The following HERC2 variants were observed in gnomAD, a reference collection of about 807,000 sequenced individuals.
HERC2 encodes the protein HECT and RLD domain containing E3 ubiquitin protein ligase 2.
HERC2 carries 102 observed loss-of-function variants against 537.7 expected under a neutral mutation model. The observed-to-expected ratio is 0.19, with a 90% CI of 0.16 to 0.22. The LOEUF (loss-of-function observed/expected upper bound fraction) is 0.22, where lower values mean the gene tolerates loss of function less well. Ranked by LOEUF, HERC2 falls within the 10% of genes least tolerant of loss-of-function variation. HERC2 has a pLI of 1.00. For missense variants in HERC2, 4,236 were observed against 6,198.2 expected (o/e 0.68, Z 10.63); for synonymous variants, 2,224 against 2,466.2 (o/e 0.90, Z 2.91).
At chr15:28,135,448 G>C (rs947327078) in intron 79 of HERC2, 30 bp downstream of exon 79, 7 of 1,540,176 alleles carry the variant, frequency 4.5e-6, no homozygotes, top group Non-Finnish European at 6.3e-6. Context: ...AAGACAAATA[G>C]AATGTTGAAA....
At chr15:28,214,406 C>T (rs1899636421) in intron 40 of HERC2, 134 bp from the exon 41 acceptor site, 2 of 947,810 alleles carry the variant, frequency 2.1e-6, no homozygotes, top group South Asian at 1.3e-5. Context: ...GACGGCCATG[C>T]ACCTCTGAGT....
At chr15:28,144,604 G>A in intron 72 of HERC2, 69 bp downstream of exon 72, 4 of 1,605,354 alleles carry the variant, frequency 2.5e-6, no homozygotes, top group Non-Finnish European at 3.4e-6. Context: ...ATGTGCACGT[G>A]TCCCTGTTGC....
intron 9 of HERC2, 123 bp from the exon 10 acceptor site, chr15:28,270,991 A>G (rs2140988576): frequency 1.3e-6 from 1 of 742,618 alleles, no homozygotes. Flanking sequence ...TGACAATGTC[A>G]ATGATACAGT....
chr15:28,287,256 G>T (rs1174999225), intron 4 of HERC2, among the ~76,000 whole-genome samples: 1 of 152,138 alleles, frequency 6.6e-6, no homozygotes, highest in Non-Finnish European at 1.5e-5. Context: ...GAAAGGAATA[G>T]GAGCTATTCT....
intron 4 of HERC2, among the ~76,000 whole-genome samples, chr15:28,290,302 C>CA: frequency 6.8e-6 from 1 of 148,090 alleles, no homozygotes; most frequent in East Asian, 2.0e-4. Flanking sequence ...GCAAAACACA[C>CA]TTTTTTTTTT....
intron 26 of HERC2, among the ~76,000 whole-genome samples, chr15:28,236,010 A>G (rs147496332): frequency 2.8e-4 from 43 of 152,126 alleles, no homozygotes; most frequent in East Asian, 1.4e-3. Context: ...TGGTAAAAAC[A>G]CAGTCCTCAA....
rs759246413 is a variant in HERC2 at position 28,191,976 on chromosome 15, C to T, written c.8436G>A (p.Ser2812=). Residue 2812 remains serine (S), a synonymous_variant, in exon 53 of 93, where the codon TCG becomes TCA. Coordinates refer to ENST00000261609, the MANE Select transcript of HERC2 (RefSeq NM_004667.6). ...TAGATGCTACCTTTCCTTGCGACCC[C>T]GATGACTGCCAGCAGGGCTCGCTGC... The part of the protein sequence containing the change: ...IDGSEPCWQS[S]GSQGKHWIRL... 1.8e-5 allele frequency: 29 copies of T among 1,613,482 alleles called. No individual in the cohort carries two copies. Among genetic ancestry groups the T allele is most frequent in the Admixed American group, 3.3e-5 (2 of 60,000 alleles).
intron 55 of HERC2, among the ~76,000 whole-genome samples, chr15:28,189,803 A>C (rs2140253968): frequency 6.6e-6 from 1 of 152,324 alleles, no homozygotes; most frequent in South Asian, 2.1e-4. Context: ...AATTATTACA[A>C]ATTACTATTT....
intron 4 of HERC2, among the ~76,000 whole-genome samples, chr15:28,289,038 G>A (rs545326398): frequency 4.6e-5 from 7 of 151,782 alleles, no homozygotes; most frequent in East Asian, 3.9e-4. Flanking sequence ...GCACTGCCCC[G>A]CAGCTCAGGC....
chr15:28,258,257 G>A (rs2075320973), intron 16 of HERC2, among the ~76,000 whole-genome samples: 1 of 152,196 alleles, frequency 6.6e-6, no homozygotes, highest in Non-Finnish European at 1.5e-5. Flanking sequence ...GATCACCTGA[G>A]GTCAGGATTT....
At chr15:28,179,334 A>G in intron 57 of HERC2, 111 bp from the exon 58 acceptor site, 1 of 816,594 alleles carries the variant, frequency 1.2e-6, no homozygotes, top group Non-Finnish European at 2.0e-6. Flanking sequence ...TGCACTGTGT[A>G]ACATTTCACT....
Position 28,198,694 on chromosome 15 carries a change from C to T in HERC2, c.7792G>A (p.Asp2598Asn), listed in dbSNP as rs1281411019. 1 of 1,614,138 alleles carries T rather than the reference C, an allele frequency of 6.2e-7. No homozygotes were observed. Among genetic ancestry groups the T allele is most frequent in the Non-Finnish European group, 8.5e-7 (1 of 1,179,998 alleles). Residue 2598 changes from aspartate to asparagine, a missense_variant, in exon 49 of 93, where the codon GAC becomes AAC. By Grantham distance (23) the Asp-to-Asn change is conservative. Coordinates refer to ENST00000261609, the MANE Select transcript of HERC2 (RefSeq NM_004667.6). ...EGDVGKVIKL[D>N]RDGLHDLNVQ... Reference sequence around the variant, plus strand: ...TTGAGATCATGCAATCCATCTCTGTCCAGCTTGATGACTTTGCCAACATCA... The same window carrying T: ...TTGAGATCATGCAATCCATCTCTGTTCAGCTTGATGACTTTGCCAACATCA...
In HERC2 at chr15:28,229,691, T is replaced by C. The variant is rs755879466; in HGVS notation, c.4966A>G (p.Lys1656Glu). The C allele has an allele frequency of 1.2e-5, 19 of 1,611,922 alleles. No homozygotes were observed. Among genetic ancestry groups the C allele is most frequent in the Non-Finnish European group, 1.5e-5 (18 of 1,179,852 alleles). Residue 1656 changes from lysine to glutamate, a missense_variant, in exon 32 of 93, where the codon AAG becomes GAG. Around this residue, in one of 27 missense-constraint regions of HERC2, gnomAD observed 343 missense variants for 417.2 expected, o/e 0.82. Coordinates refer to ENST00000261609, the MANE Select transcript of HERC2 (RefSeq NM_004667.6). ...AATGTTACCTGTTTTAGTAGGCACT[T>C]TCTCATTTTTTCCACATCCACTGGC... is the stretch of plus-strand genomic sequence containing the variant. ...EEPVDVEKMR[K>E]CLLKQLERAE...
In HERC2 at chr15:28,288,644, A is replaced by G. The variant is rs371556289; in HGVS notation, c.322+4244T>C. The stretch of plus-strand genomic sequence containing the variant: ...GTGGATCACCTAAGGTCAGGAGTTC[A>G]AGGCGAGCCTGGCAAACACAGTGAA... On this transcript the variant is annotated intron_variant, in intron 4 of 92. Coordinates refer to ENST00000261609, the MANE Select transcript of HERC2 (RefSeq NM_004667.6). Among the ~76,000 whole-genome samples, 1,361 of 150,166 alleles carry G rather than the reference A, an allele frequency of 9.1e-3. 12 individuals carry two copies. Among genetic ancestry groups the G allele is most frequent in the South Asian group, 0.024 (113 of 4,780 alleles).
At chr15:28,266,053 T>C in intron 12 of HERC2, 79 bp from the exon 13 acceptor site, 8 of 1,483,078 alleles carry the variant, frequency 5.4e-6, no homozygotes, top group Non-Finnish European at 6.5e-6. Flanking sequence ...GGAAATTCAC[T>C]ATCCAAATTT....
In HERC2 at chr15:28,150,790, C is replaced by T. The variant is rs897983848; in HGVS notation, c.10900+1887G>A. 2.0e-5 allele frequency among the ~76,000 whole-genome samples: 3 copies of T among 151,186 alleles called. No homozygotes were observed. The Admixed American group carries it at 2.0e-4, about 10-fold the overall frequency. On this transcript the variant is annotated intron_variant, in intron 70 of 92. Transcript: ENST00000261609. The stretch of plus-strand genomic sequence containing the variant: ...TTCTAGTAAAATTACTGAAAAAACA[C>T]ACGTGACTTCTAAGGGGAAAAGATG...
chr15:28,307,583 C>A (rs148841475), intron 2 of HERC2, among the ~76,000 whole-genome samples: 1 of 152,286 alleles, frequency 6.6e-6, no homozygotes, highest in East Asian at 1.9e-4. Flanking sequence ...TAATTTCACT[C>A]TTAATTTCTT....
intron 65 of HERC2, among the ~76,000 whole-genome samples, chr15:28,171,146 A>T (rs989188173): frequency 6.6e-6 from 1 of 152,204 alleles, no homozygotes; most frequent in African/African-American, 2.4e-5. Flanking sequence ...ATAAGAACTT[A>T]TTTTCACGTA....
intron 68 of HERC2, among the ~76,000 whole-genome samples, chr15:28,164,552 G>C (rs765848211): frequency 1.3e-5 from 2 of 151,346 alleles, no homozygotes; most frequent in African/African-American, 2.4e-5. Context: ...TTTTTATGAG[G>C]GTGTCTTAAA....
Sources: gnomAD v4.1 joint callset for allele counts (sites outside exome capture counted in the v4.1 genomes callset) on GRCh38, gnomAD v4.1.1 for gene constraint, gnomAD v4.1.1 regional missense constraint, MANE v1.5 for transcripts, NCBI Gene and HGNC (gene_info 2026-07-23, HGNC 2026-07-21) for gene names.